ACSL4: variants seen among roughly 807,000 people sequenced by gnomAD.
ACSL4 encodes long-chain-fatty-acid--CoA ligase 4.
A neutral mutation model predicts 49.1 loss-of-function variants in ACSL4; 9 were observed. The observed-to-expected ratio is 0.18, with a 90% CI of 0.11 to 0.32. ACSL4 has a LOEUF of 0.32. Among genes scored for constraint, ACSL4 ranks in the 10% least tolerant of loss-of-function variants. ACSL4 has a pLI of 1.00. For missense variants in ACSL4, 333 were observed against 493.7 expected, an observed-to-expected ratio of 0.67 and a Z score of 3.08; for synonymous variants, 191 against 170.3, an observed-to-expected ratio of 1.12 and a Z score of -0.95.
At chrX:109,665,658 G>C (rs1922570170) in intron 11 of ACSL4, among the ~76,000 whole-genome samples, 164 bp from the exon 12 acceptor site, 1 of 111,313 alleles carries the variant, frequency 9.0e-6, no homozygotes, top group South Asian at 3.8e-4. Flanking sequence ...TAGTGCAATG[G>C]ATTCCATTGT....
At chrX:109,707,087 T>C (rs775906123) in intron 1 of ACSL4, among the ~76,000 whole-genome samples, 7 of 112,266 alleles carry the variant, frequency 6.2e-5, no homozygotes, top group Non-Finnish European at 9.4e-5. Context: ...GATAAAAGTA[T>C]TTCAGAAAGG....
chrX:109,668,204 C>A lies in ACSL4; in HGVS notation c.1212G>T (p.Pro404=). ...NVRMMLSGGA[P]LSPQTHRFMN... ...TGAATCGGTGTGTCTGAGGAGATAG[C>A]GGGGCCCCTCCAGACAGCATCATGC... The change falls in exon 11 of 16, where the codon CCG becomes CCT. Residue 404 remains proline (P), a synonymous_variant. Transcript: ENST00000672401. The A allele has an allele frequency of 8.3e-7, 1 of 1,209,950 alleles. No homozygotes were observed. The highest frequency in any genetic ancestry group is 3.0e-5 in the East Asian group (1 of 33,827).
intron 13 of ACSL4, among the ~76,000 whole-genome samples, chrX:109,662,693 T>C (rs1183025566): frequency 9.0e-6 from 1 of 111,313 alleles, no homozygotes; most frequent in African/African-American, 3.3e-5. Flanking sequence ...AGGATTGATA[T>C]TAATTTTCTA....
chrX:109,685,767 C>T (rs1924562120), intron 2 of ACSL4, among the ~76,000 whole-genome samples: 1 of 109,719 alleles, frequency 9.1e-6, no homozygotes, highest in African/African-American at 3.3e-5. Flanking sequence ...TGGGACCACA[C>T]TAGATCAGCA....
rs797045215 is a variant in ACSL4, at chrX:109,663,334, T to C, written c.1459A>G (p.Met487Val). The stretch of plus-strand genomic sequence containing the variant: ...TTCTCTTCATTTTTAAAATATCCCA[T>C]GGAGATGTTCTGTCCACCAATTACG... ...EIVIGGQNIS[M>V]GYFKNEEKTA... Residue 487 changes from methionine to valine, a missense_variant, in exon 13 of 16, where the codon ATG becomes GTG. Around this residue, in one of 3 missense-constraint regions of ACSL4, gnomAD observed 175 missense variants for 275.8 expected, o/e 0.63. Transcript: ENST00000672401. The C allele has an allele frequency of 7.4e-6, 9 of 1,208,082 alleles. No individual in the cohort carries two copies. The highest frequency in any genetic ancestry group is 3.5e-5 in the African/African-American group (2 of 57,231).
At chrX:109,698,930 CAAGTA>C (rs1462327616) in intron 1 of ACSL4, among the ~76,000 whole-genome samples, 2 of 112,590 alleles carry the variant, frequency 1.8e-5, no homozygotes, top group Non-Finnish European at 3.7e-5. Context: ...CATTCTTCCA[CAAGTA>C]AAGTCCATAC....
At chrX:109,682,059 C>A (rs755721313) in intron 4 of ACSL4, among the ~76,000 whole-genome samples, 2 of 111,972 alleles carry the variant, frequency 1.8e-5, no homozygotes, top group South Asian at 7.5e-4. Flanking sequence ...AGCTGTTCAT[C>A]GTTGAAAGTG....
At position 109,647,038 on chromosome X, in the gene ACSL4, C is replaced by G. The variant is rs1257610767; in HGVS notation, c.1856-2852G>C. 2.7e-5 allele frequency among the ~76,000 whole-genome samples: 3 copies of G among 111,262 alleles called. No homozygotes were observed. The South Asian group carries it at 1.2e-3, about 43-fold the overall frequency. ...ATTCACAAAGCAAGTCGTGAGTGAC[C>G]TAAAAAGAGACTTAGACTCCCACAC... On this transcript the variant is annotated intron_variant, in intron 15 of 15. Transcript: ENST00000672401.
At chrX:109,650,391 A>G (rs753411124) in intron 15 of ACSL4, among the ~76,000 whole-genome samples, 14 of 107,317 alleles carry the variant, frequency 1.3e-4, no homozygotes, top group Non-Finnish European at 2.3e-4. Context: ...CATGGATGAA[A>G]TTGGAAATCA....
chrX:109,691,655 C>T (rs1379151161), intron 2 of ACSL4, among the ~76,000 whole-genome samples: 1 of 111,645 alleles, frequency 9.0e-6, no homozygotes, highest in African/African-American at 3.3e-5. Flanking sequence ...TTAGAGAATG[C>T]CAATACATTA....
In ACSL4 at chrX:109,644,203, A is replaced by C. The variant is rs935805351; in HGVS notation, c.1856-17T>G. 2 of 1,198,123 alleles carry C rather than the reference A, an allele frequency of 1.7e-6. No homozygotes were observed. The highest frequency in any genetic ancestry group is 2.3e-6 in the Non-Finnish European group (2 of 885,490). ...CCAATTTCACTGAAATTAGAAGTGA[A>C]AGATGGGAGAAAAGGAGAGGGGGGG... On this transcript the variant is annotated splice_polypyrimidine_tract_variant and intron_variant, in intron 15 of 15. Coordinates refer to ENST00000672401, the MANE Select transcript of ACSL4 (RefSeq NM_001318510.2).
rs1603398626 is a variant in ACSL4, at chrX:109,647,238, C to T, written c.1856-3052G>A. Among the ~76,000 whole-genome samples, 3 of 111,565 alleles carry T rather than the reference C, an allele frequency of 2.7e-5. No homozygotes were observed. In the South Asian group the frequency reaches 1.1e-3, roughly 42 times the overall value. ...AATATACATTTTTTTCAGCACCACACCACACCTATTCCAAAACTGACCACA... is the reference window on the plus strand; with the variant it reads ...AATATACATTTTTTTCAGCACCACATCACACCTATTCCAAAACTGACCACA... On this transcript the variant is annotated intron_variant, in intron 15 of 15. Transcript: ENST00000672401.
At chrX:109,704,508 T>C (rs1235740056) in intron 1 of ACSL4, among the ~76,000 whole-genome samples, 1 of 111,690 alleles carries the variant, frequency 9.0e-6, no homozygotes, top group Non-Finnish European at 1.9e-5. Context: ...CCTAATGAAC[T>C]GCAAGCACAC....
At chrX:109,646,703 T>C (rs1163170568) in intron 15 of ACSL4, among the ~76,000 whole-genome samples, 1 of 110,489 alleles carries the variant, frequency 9.1e-6, no homozygotes, top group Admixed American at 9.6e-5. Context: ...GACTAAATGC[T>C]CCAATTAAAA....
intron 1 of ACSL4, among the ~76,000 whole-genome samples, chrX:109,732,119 C>T (rs764912759): frequency 6.2e-5 from 7 of 112,341 alleles, no homozygotes; most frequent in Non-Finnish European, 1.1e-4. Context: ...GAAGAGGAAA[C>T]TGAAGCGCTG....
intron 1 of ACSL4, among the ~76,000 whole-genome samples, chrX:109,703,008 A>G (rs1446679227): frequency 8.9e-6 from 1 of 112,546 alleles, no homozygotes; most frequent in Non-Finnish European, 1.9e-5. Context: ...GGCAAAATCC[A>G]TCAGTGAATG....
chrX:109,719,219 T>C lies in ACSL4; in HGVS notation c.-66+13920A>G, dbSNP rs753096619. On this transcript the variant is annotated intron_variant, in intron 1 of 15. Transcript: ENST00000672401. ...TGTTATCAATGCAATCATAGGCCAA[T>C]CACTCCACAGAAACATTTTATGTAA... Among the ~76,000 whole-genome samples the C allele has an allele frequency of 1.2e-4, 13 of 111,806 alleles. No homozygotes were observed. The South Asian group carries it at 4.5e-3, about 39-fold the overall frequency.
intron 1 of ACSL4, among the ~76,000 whole-genome samples, chrX:109,702,143 A>T (rs1926014198): frequency 9.1e-6 from 1 of 109,892 alleles, no homozygotes; most frequent in East Asian, 2.9e-4. Flanking sequence ...CAAACCCGGG[A>T]GGCGGAGGTT....
intron 9 of ACSL4, among the ~76,000 whole-genome samples, chrX:109,671,689 A>T (rs1359935875): frequency 5.3e-5 from 6 of 112,597 alleles, no homozygotes; most frequent in African/African-American, 1.9e-4. Context: ...GTGTCTGTGT[A>T]GAGAGAAGTA....
Sources: allele counts gnomAD v4.1 joint callset (sites outside exome capture counted in the v4.1 genomes callset), GRCh38; gene constraint gnomAD v4.1.1; regional missense constraint gnomAD v4.1.1; transcripts MANE v1.5; gene names NCBI Gene and HGNC (gene_info 2026-07-23, HGNC 2026-07-21).